TENM3: variants seen among roughly 807,000 people sequenced by gnomAD.
The protein encoded by TENM3 is teneurin-3.
TENM3 carries 63 observed loss-of-function variants against 255.1 expected under a neutral mutation model. The ratio of observed to expected loss-of-function variants is 0.25; its 90% CI spans 0.20 to 0.30. The LOEUF is 0.30. Ranked by LOEUF, TENM3 falls within the 10% of genes least tolerant of loss-of-function variation. The pLI is 1.00. For missense variants in TENM3, 2,929 were observed against 3,461.1 expected (o/e 0.85, Z 3.86); for synonymous variants, 1,306 against 1,322.3 (o/e 0.99, Z 0.27).
chr4:182,697,822 C>T (rs1757546721), intron 12 of TENM3: 1 of 152,186 alleles, frequency 6.6e-6, no homozygotes. Context: ...CTCTTTTCTA[C>T]AAATGCAAAC....
At chr4:181,616,468 A>T in the TENM3 span, among the ~76,000 whole-genome samples, 2 of 148,778 alleles carry the variant, frequency 1.3e-5, no homozygotes, top group Non-Finnish European at 3.0e-5. Context: ...TATTATCCAT[A>T]TAATTAATAT....
At chr4:181,663,925 T>C in the TENM3 span, among the ~76,000 whole-genome samples, 1 of 152,198 alleles carries the variant, frequency 6.6e-6, no homozygotes, top group African/African-American at 2.4e-5. Flanking sequence ...TGTTTTCCTT[T>C]TATTCTTTTC....
intron 3 of TENM3, among the ~76,000 whole-genome samples, chr4:182,431,297 C>A (rs941711306): frequency 6.6e-6 from 1 of 151,692 alleles, no homozygotes; most frequent in African/African-American, 2.4e-5. Context: ...AGTTCGAGAC[C>A]ATCCTGGCCA....
At chr4:182,772,660 C>CTA (rs920415182) in intron 22 of TENM3, 3 of 151,484 alleles carry the variant, frequency 2.0e-5, no homozygotes, top group Non-Finnish European at 4.4e-5. Context: ...AATGTTGTAT[C>CTA]TATGATGCAT....
At chr4:182,457,045 C>T (rs552154207) in intron 3 of TENM3, among the ~76,000 whole-genome samples, 16 of 151,964 alleles carry the variant, frequency 1.1e-4, no homozygotes, top group South Asian at 6.2e-4. Flanking sequence ...ATTAGCCGGG[C>T]GTGGTGACAT....
At chr4:182,768,111 G>A (rs145834599) in intron 22 of TENM3, among the ~76,000 whole-genome samples, 50 of 152,274 alleles carry the variant, frequency 3.3e-4, no homozygotes, top group Middle Eastern at 3.4e-3. Flanking sequence ...TAAAGAGCAC[G>A]TCACTCCGCA....
the TENM3 span, among the ~76,000 whole-genome samples, chr4:181,731,442 C>T: frequency 6.6e-6 from 1 of 152,142 alleles, no homozygotes; most frequent in Non-Finnish European, 1.5e-5. Context: ...ACCTCGACCT[C>T]TCAGGTTCAA....
the TENM3 span, among the ~76,000 whole-genome samples, chr4:182,118,853 G>T: frequency 2.0e-5 from 3 of 152,082 alleles, no homozygotes; most frequent in Admixed American, 1.3e-4. Context: ...GATTTGATTT[G>T]CTAATACTTT....
chr4:181,975,349 GCTGTTCTCCAA>G, the TENM3 span: 1 of 152,114 alleles, frequency 6.6e-6, no homozygotes, highest in Non-Finnish European at 1.5e-5. Context: ...TGTTGGCCAA[GCTGTTCTCCAA>G]CTCCTGACCT....
chr4:182,281,565 G>T (rs963908978), intron 1 of TENM3, among the ~76,000 whole-genome samples: 1 of 151,778 alleles, frequency 6.6e-6, no homozygotes, highest in Non-Finnish European at 1.5e-5. Context: ...ATATTGCCCG[G>T]GCTGGTCTTG....
chr4:182,473,580 A>G (rs1047577254), intron 3 of TENM3, among the ~76,000 whole-genome samples: 14 of 151,996 alleles, frequency 9.2e-5, no homozygotes, highest in Middle Eastern at 3.4e-3. Context: ...GGCTGAGGCA[A>G]GTGAATGGCG....
chr4:181,900,155 A>T, the TENM3 span, among the ~76,000 whole-genome samples: 88 of 152,278 alleles, frequency 5.8e-4, 1 homozygote, highest in East Asian at 0.015. Context: ...ATCTTCATTG[A>T]TTTATGAGAA....
chr4:182,335,359 G>A (rs1764049387), intron 2 of TENM3, among the ~76,000 whole-genome samples: 1 of 143,742 alleles, frequency 7.0e-6, no homozygotes, highest in South Asian at 2.3e-4. Flanking sequence ...GCCGGGCGCG[G>A]TGGCAGGCGC....
intron 3 of TENM3, among the ~76,000 whole-genome samples, chr4:182,351,335 C>T (rs939879981): frequency 2.6e-5 from 4 of 152,178 alleles, no homozygotes; most frequent in African/African-American, 7.2e-5. Context: ...GCGTATGCAT[C>T]GCTTCCCAGA....
chr4:181,924,894 A>G, the TENM3 span, among the ~76,000 whole-genome samples: 2 of 152,216 alleles, frequency 1.3e-5, no homozygotes, highest in South Asian at 4.1e-4. Flanking sequence ...ATAACAATAT[A>G]TAAAATAATA....
At chr4:181,757,856 G>A in the TENM3 span, among the ~76,000 whole-genome samples, 2 of 152,128 alleles carry the variant, frequency 1.3e-5, no homozygotes, top group Non-Finnish European at 2.9e-5. Flanking sequence ...TTTTTAAAGG[G>A]TAGTAAATTA....
the TENM3 span, among the ~76,000 whole-genome samples, chr4:182,113,058 G>A: frequency 6.6e-6 from 1 of 152,060 alleles, no homozygotes; most frequent in Non-Finnish European, 1.5e-5. Flanking sequence ...AAATCTAACT[G>A]GTATTCTGAA....
chr4:181,508,892 CTT>C, the TENM3 span, among the ~76,000 whole-genome samples: 728 of 53,742 alleles, frequency 0.014, 2 homozygotes, highest in South Asian at 0.02. Flanking sequence ...ATTTCCAACA[CTT>C]TTTTTTTTTT....
chr4:182,092,374 A>C, the TENM3 span, among the ~76,000 whole-genome samples: 3 of 152,186 alleles, frequency 2.0e-5, no homozygotes, highest in Non-Finnish European at 4.4e-5. Context: ...CAGGGCAGGC[A>C]TGGTGGCTCA....
Sources: allele counts gnomAD v4.1 joint callset (sites outside exome capture counted in the v4.1 genomes callset), GRCh38; gene constraint gnomAD v4.1.1; transcripts MANE v1.5; gene names NCBI Gene and HGNC (gene_info 2026-07-23, HGNC 2026-07-21).